Variants in EYS observed in about 807,000 individuals in gnomAD.
The protein encoded by EYS is protein eyes shut homolog.
Under a neutral mutation model 282.1 loss-of-function variants are expected in EYS, and 250 were observed. That is an observed-to-expected ratio of 0.89 (90% confidence interval 0.80 to 0.98). The LOEUF (loss-of-function observed/expected upper bound fraction) is 0.98. EYS is among the 50% of genes least tolerant of loss of function. EYS has a pLI of 0.00. For missense variants in EYS, 4,016 were observed against 3,709.0 expected (o/e 1.08, Z -2.15); for synonymous variants, 1,355 against 1,282.9 (o/e 1.06, Z -1.20).
Position 65,055,664 on chromosome 6 carries a change from G to T in EYS, c.2137+1950C>A, listed in dbSNP as rs1408062748. 2.6e-5 allele frequency among the ~76,000 whole-genome samples: 4 copies of T among 151,936 alleles called. No homozygotes were observed. The East Asian group carries it at 7.8e-4, about 29-fold the overall frequency. On this transcript the variant is annotated intron_variant, in intron 13 of 42. Coordinates refer to ENST00000503581, the MANE Select transcript of EYS (RefSeq NM_001142800.2). ...TGCTTTTGATGACCTTAACAGATTT[G>T]AGAAATTCTAGTCAAGTATTTTTTA...
intron 1 of EYS, among the ~76,000 whole-genome samples, chr6:65,705,418 T>C (rs969665748): frequency 6.6e-6 from 1 of 152,300 alleles, no homozygotes; most frequent in African/African-American, 2.4e-5. Flanking sequence ...CCTAAGTTTT[T>C]TGTTATTGTT....
At chr6:64,333,522 G>C (rs1770718627) in intron 29 of EYS, among the ~76,000 whole-genome samples, 1 of 152,130 alleles carries the variant, frequency 6.6e-6, no homozygotes, top group South Asian at 2.1e-4. Flanking sequence ...GGGTTGCTCT[G>C]TTTGCCAGCC....
chr6:65,025,823 A>T (rs1772390744), intron 13 of EYS, among the ~76,000 whole-genome samples: 2 of 152,208 alleles, frequency 1.3e-5, no homozygotes, highest in Non-Finnish European at 2.9e-5. Context: ...TGTTTTAATG[A>T]TGTTCTATAA....
Position 63,762,500 on chromosome 6 carries a change from A to G in EYS, c.8032T>C (p.Phe2678Leu). Residue 2678 changes from phenylalanine (F) to leucine (L), a missense_variant, in exon 41 of 43, where the codon TTC becomes CTC. Transcript: ENST00000503581. ...ATTCCAGTGGTTCCTAGAGGACAGA[A>G]ACAGGTGTATCCATGAGGTAATGAA... ...CISLPHGYTC[F>L]CPLGTTGIYC... 1 of 1,550,272 alleles carries G rather than the reference A, an allele frequency of 6.5e-7. No homozygotes were observed. Among genetic ancestry groups the G allele is most frequent in the South Asian group, 1.2e-5 (1 of 84,024 alleles).
intron 41 of EYS, among the ~76,000 whole-genome samples, chr6:63,748,156 A>G (rs1769255925): frequency 6.6e-6 from 1 of 152,120 alleles, no homozygotes; most frequent in Non-Finnish European, 1.5e-5. Context: ...TGGTGACACA[A>G]TCTCTCAGCA....
chr6:64,809,496 A>G (rs1764532078), intron 22 of EYS, among the ~76,000 whole-genome samples: 1 of 152,084 alleles, frequency 6.6e-6, no homozygotes, highest in African/African-American at 2.4e-5. Flanking sequence ...TAAAAACTGA[A>G]AAAAGTGAAA....
chr6:65,151,552 C>A (rs928248925), intron 12 of EYS, among the ~76,000 whole-genome samples: 2 of 151,962 alleles, frequency 1.3e-5, no homozygotes, highest in Admixed American at 1.3e-4. Context: ...AGAAAGCTGT[C>A]TAACAGCATT....
At chr6:63,789,573 C>T (rs1770455710) in intron 37 of EYS, among the ~76,000 whole-genome samples, 3 of 152,248 alleles carry the variant, frequency 2.0e-5, no homozygotes, top group Middle Eastern at 3.4e-3. Context: ...AGAATTGCTC[C>T]GGTAGCTAAC....
chr6:65,122,272 C>T (rs1775577547), intron 12 of EYS, among the ~76,000 whole-genome samples: 3 of 152,170 alleles, frequency 2.0e-5, no homozygotes, highest in Admixed American at 6.5e-5. Flanking sequence ...TTGGCTTTCA[C>T]AATATCACAA....
intron 26 of EYS, among the ~76,000 whole-genome samples, chr6:64,458,882 T>TG (rs1775649890): frequency 6.6e-6 from 1 of 152,176 alleles, no homozygotes; most frequent in Non-Finnish European, 1.5e-5. Context: ...TCAAGGCACA[T>TG]ATTTTTTAAC....
At chr6:63,901,508 C>T (rs984258765) in intron 35 of EYS, among the ~76,000 whole-genome samples, 4 of 152,144 alleles carry the variant, frequency 2.6e-5, no homozygotes, top group African/African-American at 7.2e-5. Flanking sequence ...TATAACTTTA[C>T]AAATCCAAGA....
chr6:64,093,064 A>G (rs1414252814), intron 31 of EYS, among the ~76,000 whole-genome samples: 3 of 152,130 alleles, frequency 2.0e-5, no homozygotes, highest in Non-Finnish European at 4.4e-5. Flanking sequence ...AGATAGTTGT[A>G]GATATGTGGC....
At chr6:64,075,760 C>G (rs970690373) in intron 32 of EYS, among the ~76,000 whole-genome samples, 1 of 151,902 alleles carries the variant, frequency 6.6e-6, no homozygotes, top group Non-Finnish European at 1.5e-5. Context: ...TTATTTCAGG[C>G]CTGCCATTTG....
At chr6:65,246,270 C>G (rs1330503564) in intron 12 of EYS, among the ~76,000 whole-genome samples, 1 of 152,066 alleles carries the variant, frequency 6.6e-6, no homozygotes, top group Non-Finnish European at 1.5e-5. Context: ...GTTGATGAAA[C>G]TGACATACAG....
rs61575285 is a variant in EYS at position 64,151,317 on chromosome 6, TTATATATATATATATATATATATATA to T, written c.6425-69341_6425-69316del. 4.3e-3 allele frequency among the ~76,000 whole-genome samples: 225 copies of T among 52,462 alleles called. 3 individuals carry two copies. The highest frequency in any genetic ancestry group is 8.0e-3 in the East Asian group (11 of 1,374). 34.4% of individuals were successfully genotyped at this position (52,462 alleles called of 152,430 possible). A position where few individuals can be genotyped will look rare whatever the true frequency, so the allele number is the denominator to read the frequency against. On this transcript the variant is annotated intron_variant, in intron 31 of 42. Transcript: ENST00000503581. Reference sequence around the variant, plus strand: ...TTTTCACACGTGTGTGTGTGTATATTTATATATATATATATATATATATATATATATATATATATATATATAATTTT... The same window carrying T: ...TTTTCACACGTGTGTGTGTGTATATTTATATATATATATATATATAATTTT...
chr6:64,389,795 C>A (rs968947579), intron 28 of EYS, among the ~76,000 whole-genome samples: 1 of 152,144 alleles, frequency 6.6e-6, no homozygotes, highest in African/African-American at 2.4e-5. Flanking sequence ...GGAACAGCTC[C>A]GGTCTACAGC....
At chr6:64,841,993 T>C (rs1001494920) in intron 19 of EYS, among the ~76,000 whole-genome samples, 5 of 152,100 alleles carry the variant, frequency 3.3e-5, no homozygotes, top group African/African-American at 1.2e-4. Flanking sequence ...ATTCCAGGAT[T>C]AGATGGCTTT....
chr6:65,178,920 C>T (rs938166674), intron 12 of EYS, among the ~76,000 whole-genome samples: 6 of 152,150 alleles, frequency 3.9e-5, no homozygotes, highest in African/African-American at 1.4e-4. Flanking sequence ...CTCAAAACCG[C>T]TCAACTACAT....
At chr6:65,174,470 A>T (rs1765180164) in intron 12 of EYS, among the ~76,000 whole-genome samples, 1 of 150,942 alleles carries the variant, frequency 6.6e-6, no homozygotes, top group Non-Finnish European at 1.5e-5. Context: ...ACTCTTTATG[A>T]CCAGAATAGA....
Sources: gnomAD v4.1 joint callset for allele counts (sites outside exome capture counted in the v4.1 genomes callset) on GRCh38, gnomAD v4.1.1 for gene constraint, MANE v1.5 for transcripts, NCBI Gene and HGNC (gene_info 2026-07-23, HGNC 2026-07-21) for gene names.